Variants in PTPRD observed in about 807,000 individuals in gnomAD.
The protein encoded by PTPRD is protein tyrosine phosphatase receptor type D.
A neutral mutation model predicts 214.5 loss-of-function variants in PTPRD; 34 were observed. The observed-to-expected ratio is 0.16, with a 90% CI of 0.12 to 0.21. The LOEUF (loss-of-function observed/expected upper bound fraction) is 0.21. PTPRD is among the 10% of genes least tolerant of loss of function. PTPRD has a pLI of 1.00. For missense variants in PTPRD, 2,545 were observed against 2,398.7 expected (o/e 1.06, Z -1.27); for synonymous variants, 1,128 against 845.7 (o/e 1.33, Z -5.79).
chr9:8,485,434 A>G, intron 28 of PTPRD, 110 bp from the exon 29 acceptor site: 1 of 734,188 alleles, frequency 1.4e-6, no homozygotes, highest in Non-Finnish European at 2.3e-6. Flanking sequence ...CTTTGATCAG[A>G]GAGAGAAGTA....
chr9:9,854,189 A>G (rs1353945385), intron 5 of PTPRD, among the ~76,000 whole-genome samples: 2 of 152,114 alleles, frequency 1.3e-5, no homozygotes, highest in Non-Finnish European at 2.9e-5. Context: ...TTAAGCTTTA[A>G]TTTACTATTT....
At position 8,362,292 on chromosome 9, in the gene PTPRD, C is replaced by T. The variant is rs1399003317; in HGVS notation, c.4661+13644G>A. The stretch of plus-strand genomic sequence containing the variant: ...AGGTTTTGCTAAGCTTGTAGCTTTA[C>T]TATTGTACCCTACAAACCAATAAGT... On this transcript the variant is annotated intron_variant, in intron 39 of 45. Coordinates refer to ENST00000381196, the MANE Select transcript of PTPRD (RefSeq NM_002839.4). 2.0e-5 allele frequency among the ~76,000 whole-genome samples: 3 copies of T among 152,160 alleles called. No individual in the cohort carries two copies. The South Asian group carries it at 6.2e-4, about 31-fold the overall frequency.
intron 3 of PTPRD, among the ~76,000 whole-genome samples, chr9:10,300,551 T>C (rs1459207426): frequency 6.6e-6 from 1 of 152,196 alleles, no homozygotes; most frequent in South Asian, 2.1e-4. Context: ...AGTCTGAGGT[T>C]GACCTGGGAC....
chr9:9,055,515 T>C (rs976272305), intron 10 of PTPRD, among the ~76,000 whole-genome samples: 3 of 152,134 alleles, frequency 2.0e-5, no homozygotes, highest in Admixed American at 6.5e-5. Flanking sequence ...CCCAGCACTA[T>C]GGCCCAGCCA....
intron 14 of PTPRD, among the ~76,000 whole-genome samples, chr9:8,626,654 A>C (rs1004820444): frequency 3.3e-5 from 5 of 151,912 alleles, no homozygotes; most frequent in African/African-American, 9.6e-5. Flanking sequence ...TAAAACACTA[A>C]AGAGAACAAT....
intron 14 of PTPRD, among the ~76,000 whole-genome samples, chr9:8,534,028 G>C (rs1281794502): frequency 6.6e-6 from 1 of 151,992 alleles, no homozygotes. Context: ...ATTAGAATTA[G>C]AGACTTAAAA....
At chr9:8,640,968 G>A (rs1039704840) in intron 12 of PTPRD, among the ~76,000 whole-genome samples, 1 of 146,350 alleles carries the variant, frequency 6.8e-6, no homozygotes, top group Non-Finnish European at 1.5e-5. Context: ...AAAGATATGA[G>A]GTAGAGAGAA....
intron 2 of PTPRD, among the ~76,000 whole-genome samples, chr9:10,382,561 G>A (rs1422147421): frequency 6.6e-6 from 1 of 151,760 alleles, no homozygotes; most frequent in East Asian, 1.9e-4. Context: ...ATTATGACAG[G>A]TTCACTATCA....
chr9:8,875,025 G>C (rs533890097), intron 11 of PTPRD, among the ~76,000 whole-genome samples: 1 of 152,302 alleles, frequency 6.6e-6, no homozygotes, highest in Non-Finnish European at 1.5e-5. Context: ...ATCAGTGGTA[G>C]AGTCTTCAAC....
chr9:10,022,359 T>TAC (rs1031870519), intron 4 of PTPRD, among the ~76,000 whole-genome samples: 3 of 138,498 alleles, frequency 2.2e-5, no homozygotes, highest in Non-Finnish European at 4.6e-5. Flanking sequence ...TTATTTCTGA[T>TAC]ACACTGCTCT....
chr9:8,841,913 A>C (rs1460622639), intron 11 of PTPRD, among the ~76,000 whole-genome samples: 1 of 151,954 alleles, frequency 6.6e-6, no homozygotes, highest in Admixed American at 6.6e-5. Flanking sequence ...CGGGAGGCTG[A>C]GGCAGGAGAA....
chr9:10,584,413 G>C (rs901664984), intron 2 of PTPRD, among the ~76,000 whole-genome samples: 2 of 152,114 alleles, frequency 1.3e-5, no homozygotes, highest in East Asian at 3.9e-4. Context: ...AAAAGAATTT[G>C]CAGTAGCCTC....
chr9:8,985,779 C>A (rs906343984), intron 11 of PTPRD, among the ~76,000 whole-genome samples: 1 of 151,952 alleles, frequency 6.6e-6, no homozygotes, highest in African/African-American at 2.4e-5. Flanking sequence ...ATATTGTGCA[C>A]CTATAGCCTG....
chr9:9,264,711 A>G (rs1339850919), intron 9 of PTPRD, among the ~76,000 whole-genome samples: 1 of 151,636 alleles, frequency 6.6e-6, no homozygotes, highest in Non-Finnish European at 1.5e-5. Flanking sequence ...CGTTCACTGC[A>G]AATAAGATTT....
intron 9 of PTPRD, among the ~76,000 whole-genome samples, chr9:9,375,793 G>T (rs2060622006): frequency 6.6e-6 from 1 of 152,098 alleles, no homozygotes; most frequent in South Asian, 2.1e-4. Flanking sequence ...TCAATGGCAG[G>T]GAGGAGGAGT....
At chr9:8,588,112 T>C (rs2154260973) in intron 14 of PTPRD, among the ~76,000 whole-genome samples, 1 of 152,362 alleles carries the variant, frequency 6.6e-6, no homozygotes, top group East Asian at 1.9e-4. Context: ...TGTTTTACTC[T>C]GTGACTTCTA....
intron 11 of PTPRD, among the ~76,000 whole-genome samples, chr9:8,990,273 T>C (rs189891458): frequency 1.6e-3 from 246 of 152,250 alleles, no homozygotes; most frequent in Middle Eastern, 3.4e-3. Flanking sequence ...CACTTAGAAA[T>C]AGCCATTGTT....
rs183660125 is a variant in PTPRD at position 9,315,862 on chromosome 9, C to T, written c.-203+81587G>A. ...TTTTTTTTTTTTTTTTTTTTTGCTACATGTGAGATGCTAAAAAGTTACACA... is the reference window on the plus strand; with the variant it reads ...TTTTTTTTTTTTTTTTTTTTTGCTATATGTGAGATGCTAAAAAGTTACACA... On this transcript the variant is annotated intron_variant, in intron 9 of 45. Coordinates refer to ENST00000381196, the MANE Select transcript of PTPRD (RefSeq NM_002839.4). Among the ~76,000 whole-genome samples, 36 of 105,026 alleles carry T rather than the reference C, an allele frequency of 3.4e-4. No homozygotes were observed. The East Asian group carries it at 8.0e-3, about 23-fold the overall frequency. The allele number at this position is 105,026 out of a possible 152,430, so 68.9% of individuals were successfully genotyped here.
chr9:9,128,019 T>C (rs932886151), intron 10 of PTPRD, among the ~76,000 whole-genome samples: 1 of 152,150 alleles, frequency 6.6e-6, no homozygotes, highest in East Asian at 1.9e-4. Context: ...TTATTTAGGC[T>C]CTAAAATAAA....
Sources: gnomAD v4.1 joint callset for allele counts (sites outside exome capture counted in the v4.1 genomes callset) on GRCh38, gnomAD v4.1.1 for gene constraint, MANE v1.5 for transcripts, NCBI Gene and HGNC (gene_info 2026-07-23, HGNC 2026-07-21) for gene names.